The following NAALADL2 variants were observed in gnomAD, a reference collection of about 807,000 sequenced individuals.
The protein encoded by NAALADL2 is inactive N-acetylated-alpha-linked acidic dipeptidase-like protein 2.
A neutral mutation model predicts 87.2 loss-of-function variants in NAALADL2; 76 were observed. The ratio of observed to expected loss-of-function variants is 0.87; its 90% CI spans 0.72 to 1.05. The LOEUF (loss-of-function observed/expected upper bound fraction) is 1.05, where lower values mean the gene tolerates loss of function less well. Ranked by LOEUF, NAALADL2 falls within the 50% of genes least tolerant of loss-of-function variation. NAALADL2 has a pLI of 0.00. For synonymous variants in NAALADL2, 354 were observed against 331.0 expected (o/e 1.07, Z -0.75); for missense variants, 1,089 against 945.8 (o/e 1.15, Z -1.99).
At chr3:174,499,746 C>G (rs1718773618) in intron 1 of NAALADL2, among the ~76,000 whole-genome samples, 1 of 151,882 alleles carries the variant, frequency 6.6e-6, no homozygotes, top group Non-Finnish European at 1.5e-5. Flanking sequence ...ATATGTGGGT[C>G]TTTCGTTGGA....
rs190652328 is a variant in NAALADL2, at chr3:175,293,738, C to T, written c.940-30437C>T. Among the ~76,000 whole-genome samples, 40 of 152,262 alleles carry T rather than the reference C, an allele frequency of 2.6e-4. No individual in the cohort carries two copies. The East Asian group carries it at 7.0e-3, about 26-fold the overall frequency. ...GACATCTATGAACCTGAAAGTGAAC[C>T]CTCATCAGACACAAATTTGCCATTG... On this transcript the variant is annotated intron_variant, in intron 4 of 13. Coordinates refer to ENST00000454872, the MANE Select transcript of NAALADL2 (RefSeq NM_207015.3).
intron 10 of NAALADL2, among the ~76,000 whole-genome samples, chr3:175,585,137 T>C (rs191023607): frequency 6.6e-4 from 100 of 151,908 alleles, no homozygotes; most frequent in African/African-American, 2.1e-3. Flanking sequence ...TTTTTCTATT[T>C]TTATAAATTA....
At chr3:174,679,196 A>G (rs1727303691) in intron 2 of NAALADL2, among the ~76,000 whole-genome samples, 1 of 152,086 alleles carries the variant, frequency 6.6e-6, no homozygotes, top group African/African-American at 2.4e-5. Flanking sequence ...TTCACCCTGT[A>G]AGTCTGAACT....
chr3:174,909,519 C>A (rs751477921), intron 1 of NAALADL2, among the ~76,000 whole-genome samples: 1 of 152,104 alleles, frequency 6.6e-6, no homozygotes, highest in Non-Finnish European at 1.5e-5. Flanking sequence ...GATAAACAAT[C>A]TGTATTAACA....
At chr3:174,794,981 CTTTTTT>C (rs772447340) in intron 3 of NAALADL2, among the ~76,000 whole-genome samples, 1,031 of 66,630 alleles carry the variant, frequency 0.015, 9 homozygotes, top group African/African-American at 0.053. Flanking sequence ...TCTAGTCCAG[CTTTTTT>C]TTTTTTTTTT....
At chr3:175,794,069 T>TAAAC (rs1248312091) in intron 13 of NAALADL2, among the ~76,000 whole-genome samples, 1 of 152,198 alleles carries the variant, frequency 6.6e-6, no homozygotes, top group Non-Finnish European at 1.5e-5. Context: ...CATTACTGTT[T>TAAAC]GCCAGAGGTA....
chr3:175,708,367 G>A (rs1402122194), intron 11 of NAALADL2, among the ~76,000 whole-genome samples: 1 of 152,058 alleles, frequency 6.6e-6, no homozygotes, highest in Non-Finnish European at 1.5e-5. Context: ...TTCAAAAGTA[G>A]ATGCTACTAT....
intron 4 of NAALADL2, among the ~76,000 whole-genome samples, chr3:175,277,922 A>G (rs1753808202): frequency 6.6e-6 from 1 of 152,182 alleles, no homozygotes; most frequent in Non-Finnish European, 1.5e-5. Flanking sequence ...ATCCCACAGA[A>G]TATTTCAAGC....
intron 1 of NAALADL2, among the ~76,000 whole-genome samples, chr3:174,989,462 G>A (rs1746417681): frequency 6.6e-6 from 1 of 152,170 alleles, no homozygotes; most frequent in Non-Finnish European, 1.5e-5. Flanking sequence ...TAAAGAGAAG[G>A]AAGAAAATAT....
chr3:175,729,266 C>A (rs1034600862), intron 11 of NAALADL2, among the ~76,000 whole-genome samples: 1 of 152,142 alleles, frequency 6.6e-6, no homozygotes, highest in Non-Finnish European at 1.5e-5. Flanking sequence ...TCCCCCATAG[C>A]ATGGTAATGA....
In NAALADL2 at chr3:175,467,032, C is replaced by G. The variant is rs750104814; in HGVS notation, c.1381C>G (p.Gln461Glu). The change falls in exon 8 of 14, where the codon CAA becomes GAA. Residue 461 changes from glutamine (Q) to glutamate (E), a missense_variant. Gln to Glu is a conservative substitution (Grantham distance 29). Coordinates refer to ENST00000454872, the MANE Select transcript of NAALADL2 (RefSeq NM_207015.3). ...TCACACTGCACACAGTTATAATGGA[C>G]AAGAATGGGCCAGTAGTACTGCAAT... ...HHHTAHSYNG[Q>E]EWASSTAIIT... 16 of 1,613,782 alleles carry G rather than the reference C, an allele frequency of 9.9e-6. No individual in the cohort carries two copies. The East Asian group carries it at 3.6e-4, about 36-fold the overall frequency.
At chr3:175,437,936 T>G (rs1421593997) in intron 5 of NAALADL2, among the ~76,000 whole-genome samples, 1 of 152,146 alleles carries the variant, frequency 6.6e-6, no homozygotes, top group Non-Finnish European at 1.5e-5. Flanking sequence ...AGCATTATGA[T>G]ATTTACTAGG....
intron 3 of NAALADL2, among the ~76,000 whole-genome samples, chr3:174,786,385 A>G (rs557497015): frequency 6.7e-6 from 1 of 148,264 alleles, no homozygotes; most frequent in East Asian, 2.0e-4. Context: ...CAGGAGGTGG[A>G]GGTTGCAGTG....
intron 1 of NAALADL2, among the ~76,000 whole-genome samples, chr3:174,930,904 G>A (rs1736798338): frequency 6.6e-6 from 1 of 151,922 alleles, no homozygotes; most frequent in African/African-American, 2.4e-5. Context: ...TTACAGGCAT[G>A]AGCCACCACG....
intron 1 of NAALADL2, among the ~76,000 whole-genome samples, chr3:174,937,865 T>C (rs532635279): frequency 2.6e-5 from 4 of 152,100 alleles, no homozygotes; most frequent in Non-Finnish European, 5.9e-5. Context: ...CAAATATTTA[T>C]TTTATATAGA....
chr3:174,922,222 A>G (rs986593471), intron 1 of NAALADL2, among the ~76,000 whole-genome samples: 2 of 151,564 alleles, frequency 1.3e-5, no homozygotes, highest in African/African-American at 4.8e-5. Context: ...AGGTGAGAGG[A>G]TTACTTGAAC....
At chr3:175,240,332 G>A (rs1746616657) in intron 3 of NAALADL2, among the ~76,000 whole-genome samples, 1 of 152,140 alleles carries the variant, frequency 6.6e-6, no homozygotes, top group South Asian at 2.1e-4. Context: ...TATTTTCTCA[G>A]AAAGTCTCAA....
At chr3:174,635,871 A>G (rs1258539906) in intron 2 of NAALADL2, among the ~76,000 whole-genome samples, 3 of 152,298 alleles carry the variant, frequency 2.0e-5, no homozygotes, top group African/African-American at 2.4e-5. Context: ...GTCTTTACCT[A>G]TTGATGACAT....
At chr3:175,445,050 A>C (rs1490807468) in intron 5 of NAALADL2, among the ~76,000 whole-genome samples, 1 of 152,188 alleles carries the variant, frequency 6.6e-6, no homozygotes, top group East Asian at 1.9e-4. Flanking sequence ...AAATTCTGAG[A>C]AAAACCGTTA....
Sources: gnomAD v4.1 joint callset for allele counts (sites outside exome capture counted in the v4.1 genomes callset) on GRCh38, gnomAD v4.1.1 for gene constraint, MANE v1.5 for transcripts, NCBI Gene and HGNC (gene_info 2026-07-23, HGNC 2026-07-21) for gene names.